Variants in CXCL13 observed in about 807,000 individuals in gnomAD.
CXCL13 encodes the protein C-X-C motif chemokine ligand 13.
CXCL13 carries 7 observed loss-of-function variants against 12.2 expected under a neutral mutation model. The observed-to-expected ratio is 0.57, with a 90% CI of 0.33 to 1.07. The LOEUF (loss-of-function observed/expected upper bound fraction) is 1.07, where lower values mean the gene tolerates loss of function less well. Ranked by LOEUF, CXCL13 falls within the 50% of genes least tolerant of loss-of-function variation. CXCL13 has a pLI of 0.04. For missense variants in CXCL13, 113 were observed against 127.4 expected (o/e 0.89, Z 0.55); for synonymous variants, 47 against 42.4 (o/e 1.11, Z -0.42).
At chr4:77,532,558 C>A (rs913762975) in intron 1 of CXCL13, among the ~76,000 whole-genome samples, 1 of 152,050 alleles carries the variant, frequency 6.6e-6, no homozygotes, top group African/African-American at 2.4e-5. Flanking sequence ...ATCTTTGTGG[C>A]GTTCTCCGTA....
intron 1 of CXCL13, among the ~76,000 whole-genome samples, chr4:77,589,320 C>T (rs189452932): frequency 2.6e-5 from 4 of 152,316 alleles, no homozygotes; most frequent in Middle Eastern, 6.8e-3. Flanking sequence ...AGCACATCCA[C>T]ACCATCTATG....
At chr4:77,556,117 T>G (rs1578052049) in intron 1 of CXCL13, among the ~76,000 whole-genome samples, 1 of 152,240 alleles carries the variant, frequency 6.6e-6, no homozygotes, top group East Asian at 1.9e-4. Context: ...CAATGAGAAA[T>G]AAAAACATAC....
intron 1 of CXCL13, among the ~76,000 whole-genome samples, chr4:77,565,702 G>A (rs1293799764): frequency 1.3e-5 from 2 of 152,106 alleles, no homozygotes; most frequent in Non-Finnish European, 2.9e-5. Context: ...AGGACTCACC[G>A]TCTAGTAGTA....
At chr4:77,515,148 TC>T (rs1239562297) in intron 1 of CXCL13, among the ~76,000 whole-genome samples, 1 of 152,230 alleles carries the variant, frequency 6.6e-6, no homozygotes, top group Admixed American at 6.5e-5. Flanking sequence ...AGGGCTCTGT[TC>T]TGTTCCATTG....
intron 1 of CXCL13, among the ~76,000 whole-genome samples, chr4:77,526,026 T>A (rs1253637929): frequency 1.3e-4 from 20 of 151,914 alleles, no homozygotes; most frequent in Admixed American, 9.8e-4. Flanking sequence ...AAAAAGCATT[T>A]AAAAAAACTC....
At chr4:77,568,977 C>T (rs753035642) in intron 1 of CXCL13, among the ~76,000 whole-genome samples, 1 of 152,160 alleles carries the variant, frequency 6.6e-6, no homozygotes, top group Admixed American at 6.5e-5. Context: ...CTTAGAAAAA[C>T]TTCTATATCT....
chr4:77,516,806 C>G (rs187734516), intron 1 of CXCL13, among the ~76,000 whole-genome samples: 1 of 152,130 alleles, frequency 6.6e-6, no homozygotes, highest in Non-Finnish European at 1.5e-5. Context: ...TCTCTATTTC[C>G]TTCAGTTCTG....
At chr4:77,560,966 A>G (rs1725796885) in intron 1 of CXCL13, among the ~76,000 whole-genome samples, 1 of 152,150 alleles carries the variant, frequency 6.6e-6, no homozygotes, top group Non-Finnish European at 1.5e-5. Context: ...CCTCTCTTGC[A>G]TAGCTCTGTC....
chr4:77,547,072 A>C (rs1328847023), intron 1 of CXCL13, among the ~76,000 whole-genome samples: 1 of 152,216 alleles, frequency 6.6e-6, no homozygotes, highest in East Asian at 1.9e-4. Context: ...CTTAATCCCA[A>C]GTACTAATTT....
intron 2 of CXCL13, among the ~76,000 whole-genome samples, chr4:77,609,470 G>T (rs148425464): frequency 0.015 from 2,282 of 151,926 alleles, 56 homozygotes; most frequent in African/African-American, 0.053. Context: ...ACACCACCAT[G>T]CCCAGCTAGT....
Position 77,579,245 on chromosome 4 carries a change from C to T in CXCL13, c.-42-26579C>T, listed in dbSNP as rs535292776. Among the ~76,000 whole-genome samples the T allele has an allele frequency of 2.6e-5, 4 of 152,318 alleles. No individual in the cohort carries two copies. The East Asian group carries it at 7.7e-4, about 29-fold the overall frequency. On this transcript the variant is annotated intron_variant, in intron 1 of 4. Coordinates refer to the CXCL13 transcript ENST00000286758. ...CTACTCATCCAATTCTAACTAATGTCAATTTATACAAACAAAATGCTTGCT... is the reference window on the plus strand; with the variant it reads ...CTACTCATCCAATTCTAACTAATGTTAATTTATACAAACAAAATGCTTGCT...
At position 77,522,427 on chromosome 4, in the gene CXCL13, T is replaced by A. The variant is rs147120683; in HGVS notation, c.-43+10639T>A. Among the ~76,000 whole-genome samples, 1,153 of 151,970 alleles carry A rather than the reference T, an allele frequency of 7.6e-3. 14 individuals carry two copies. The highest frequency in any genetic ancestry group is 0.025 in the African/African-American group (1,041 of 41,466). ...AGCTCTTCTTGTTGAATTGATCCCT[T>A]ATCCATTATGTAATGGCCTTCTTTG... On this transcript the variant is annotated intron_variant, in intron 1 of 4. Transcript: ENST00000286758.
intron 1 of CXCL13, among the ~76,000 whole-genome samples, chr4:77,521,244 G>A (rs1480982068): frequency 6.6e-6 from 1 of 152,180 alleles, no homozygotes; most frequent in Non-Finnish European, 1.5e-5. Flanking sequence ...ATGAGTTAGG[G>A]AGGACTCCCT....
chr4:77,588,288 T>C (rs1437563716), intron 1 of CXCL13, among the ~76,000 whole-genome samples: 3 of 152,220 alleles, frequency 2.0e-5, no homozygotes, highest in African/African-American at 4.8e-5. Context: ...CTTTCTACCA[T>C]TTCTTAACCC....
intron 1 of CXCL13, among the ~76,000 whole-genome samples, chr4:77,535,256 T>C (rs925569608): frequency 1.3e-5 from 2 of 152,228 alleles, no homozygotes; most frequent in Non-Finnish European, 2.9e-5. Context: ...TTCATTCATT[T>C]ATACTGTAAG....
chr4:77,594,753 G>T (rs151202898), intron 1 of CXCL13, among the ~76,000 whole-genome samples: 2 of 152,240 alleles, frequency 1.3e-5, no homozygotes, highest in South Asian at 4.1e-4. Context: ...CAGGCCTGTC[G>T]GGGTAGGAGG....
intron 1 of CXCL13, among the ~76,000 whole-genome samples, chr4:77,607,237 G>T (rs1727019276): frequency 6.6e-6 from 1 of 152,162 alleles, no homozygotes; most frequent in Non-Finnish European, 1.5e-5. Flanking sequence ...CCCTACAGAG[G>T]CTGTTCTCAA....
At chr4:77,608,165 G>A (rs570577918) in intron 2 of CXCL13, among the ~76,000 whole-genome samples, 5 of 152,140 alleles carry the variant, frequency 3.3e-5, no homozygotes, top group Non-Finnish European at 7.3e-5. Flanking sequence ...TAGTGGCCAG[G>A]CGTGGTGGCT....
rs746262587 is a variant in CXCL13 at position 77,605,879 on chromosome 4, C to T, written c.14C>T (p.Ser5Leu). 9 of 1,606,126 alleles carry T rather than the reference C, an allele frequency of 5.6e-6. No homozygotes were observed. Among genetic ancestry groups the T allele is most frequent in the African/African-American group, 4.0e-5 (3 of 74,858 alleles). MKFI[S>L]TSLLLMLLVS... The stretch of plus-strand genomic sequence containing the variant: ...CCTCCAGACAGAATGAAGTTCATCT[C>T]GACATCTCTGCTTCTCATGCTGCTG... Residue 5 changes from serine to leucine, a missense_variant, in exon 1 of 4, where the codon TCG (serine) becomes TTG (leucine). Ser to Leu is a moderately radical substitution (Grantham distance 145, BLOSUM62 -2). Coordinates refer to ENST00000682537, the MANE Select transcript of CXCL13 (RefSeq NM_001371558.1).
Sources: allele counts gnomAD v4.1 joint callset (sites outside exome capture counted in the v4.1 genomes callset), GRCh38; gene constraint gnomAD v4.1.1; transcripts MANE v1.5; gene names NCBI Gene and HGNC (gene_info 2026-07-23, HGNC 2026-07-21).